RNF144B: variants seen among roughly 807,000 people sequenced by gnomAD.
RNF144B encodes the protein ring finger protein 144B.
In RNF144B, 25 loss-of-function variants were observed where a neutral mutation model predicts 40.2. That is an observed-to-expected ratio of 0.62 (90% CI 0.45 to 0.87). RNF144B has a LOEUF of 0.87. Among genes scored for constraint, RNF144B ranks in the 40% least tolerant of loss-of-function variants. RNF144B has a pLI of 0.00. For missense variants in RNF144B, 365 were observed against 373.7 expected, an observed-to-expected ratio of 0.98 and a Z score of 0.19; for synonymous variants, 145 against 136.3, an observed-to-expected ratio of 1.06 and a Z score of -0.44.
Position 18,441,565 on chromosome 6 carries a change from G to A in RNF144B, c.331+1821G>A, listed in dbSNP as rs911595133. Reference sequence around the variant, plus strand: ...TACATTTTAGGTAACATATCTGTTAGCTCAAATGTCTTTTTTGTAATTAGA... The same window carrying A: ...TACATTTTAGGTAACATATCTGTTAACTCAAATGTCTTTTTTGTAATTAGA... On this transcript the variant is annotated intron_variant, in intron 4 of 7. Coordinates refer to ENST00000259939, the MANE Select transcript of RNF144B (RefSeq NM_182757.4). The surrounding 1 kb of genome is among the most constrained non-coding windows in gnomAD (Gnocchi z 4.9). 6.7e-6 allele frequency among the ~76,000 whole-genome samples: 1 copy of A among 149,698 alleles called. No individual in the cohort carries two copies. The highest frequency in any genetic ancestry group is 2.4e-5 in the African/African-American group (1 of 41,192).
chr6:18,466,470 C>G lies in RNF144B; in HGVS notation c.*1403C>G, dbSNP rs924492478. On this transcript the variant is annotated 3_prime_UTR_variant, in exon 8 of 8. Transcript: ENST00000259939. Reference sequence around the variant, plus strand: ...AATTTAGTTTAAATTTATGTATCACCTCATTGTGACTTATTTTTTCCATTA... The same window carrying G: ...AATTTAGTTTAAATTTATGTATCACGTCATTGTGACTTATTTTTTCCATTA... The G allele has an allele frequency of 1.3e-5, 2 of 152,350 alleles. No individual in the cohort carries two copies. Among genetic ancestry groups the G allele is most frequent in the Admixed American group, 1.3e-4 (2 of 15,268 alleles). The allele number at this position is 152,350 out of a possible 1,614,324, so 9.4% of individuals were successfully genotyped here. A position where few individuals can be genotyped will look rare whatever the true frequency, so the allele number is the denominator to read the frequency against.
chr6:18,436,905 G>GT (rs5874640), intron 3 of RNF144B, among the ~76,000 whole-genome samples: 51 of 150,652 alleles, frequency 3.4e-4, no homozygotes, highest in Admixed American at 1.5e-3. Flanking sequence ...TTGTTGTTGT[G>GT]TTTTTTTTTT....
At chr6:18,436,009 A>G (rs1298121255) in intron 3 of RNF144B, among the ~76,000 whole-genome samples, 5 of 151,910 alleles carry the variant, frequency 3.3e-5, no homozygotes, top group Admixed American at 3.3e-4. Context: ...GTACCCTAAA[A>G]CTTAAAGTAT....
At chr6:18,407,805 A>T (rs1449049231) in intron 2 of RNF144B, among the ~76,000 whole-genome samples, 1 of 151,984 alleles carries the variant, frequency 6.6e-6, no homozygotes, top group Non-Finnish European at 1.5e-5. Context: ...AAATTCTCCT[A>T]TAGTGCTCAG....
chr6:18,459,284 T>C lies in RNF144B; in HGVS notation c.537-323T>C, dbSNP rs1759400943. On this transcript the variant is annotated intron_variant, in intron 5 of 7. Coordinates refer to ENST00000259939, the MANE Select transcript of RNF144B (RefSeq NM_182757.4). The surrounding 1 kb of genome is among the most constrained non-coding windows in gnomAD (Gnocchi z 4.2). Reference sequence around the variant, plus strand: ...TATACGCCCAGTTTGGACCCTGACCTAGTTTCTCTGCTGTGTAGCCAACTC... The same window carrying C: ...TATACGCCCAGTTTGGACCCTGACCCAGTTTCTCTGCTGTGTAGCCAACTC... Among the ~76,000 whole-genome samples, 1 of 152,230 alleles carries C rather than the reference T, an allele frequency of 6.6e-6. No homozygotes were observed. Among genetic ancestry groups the C allele is most frequent in the African/African-American group, 2.4e-5 (1 of 41,460 alleles).
At chr6:18,426,442 T>C (rs1368729622) in intron 2 of RNF144B, among the ~76,000 whole-genome samples, 1 of 152,224 alleles carries the variant, frequency 6.6e-6, no homozygotes, top group Non-Finnish European at 1.5e-5. Flanking sequence ...CTTCAATTTC[T>C]TGTGCAGTTG....
At chr6:18,453,495 C>A (rs938559350) in intron 4 of RNF144B, among the ~76,000 whole-genome samples, 1 of 151,862 alleles carries the variant, frequency 6.6e-6, no homozygotes, top group Non-Finnish European at 1.5e-5. Context: ...GAGGTCTTTC[C>A]AAATTGTTAT....
rs932019983 is a variant in RNF144B at position 18,410,586 on chromosome 6, C to A, written c.165+10887C>A. 2.0e-5 allele frequency among the ~76,000 whole-genome samples: 3 copies of A among 152,070 alleles called. No individual in the cohort carries two copies. Among genetic ancestry groups the A allele is most frequent in the African/African-American group, 4.8e-5 (2 of 41,390 alleles). On this transcript the variant is annotated intron_variant, in intron 2 of 7. Coordinates refer to ENST00000259939, the MANE Select transcript of RNF144B (RefSeq NM_182757.4). This position sits in a 1 kb window ranked among gnomAD's most constrained non-coding sequence, Gnocchi z 4.6. ...CAGGGAAGAGTGACCTGCTGAGGAA[C>A]CAAACCGGAAGATGTTCCTGGGACA...
chr6:18,453,055 G>A (rs553073966), intron 4 of RNF144B, among the ~76,000 whole-genome samples: 92 of 151,902 alleles, frequency 6.1e-4, no homozygotes, highest in Non-Finnish European at 1.0e-3. Context: ...TCAGAGTGCT[G>A]GGATTACAGG....
In RNF144B at chr6:18,400,304, G is replaced by A. The variant is rs1794780586; in HGVS notation, c.165+605G>A. Among the ~76,000 whole-genome samples, 1 of 151,840 alleles carries A rather than the reference G, an allele frequency of 6.6e-6. No individual in the cohort carries two copies. The highest frequency in any genetic ancestry group is 2.4e-5 in the African/African-American group (1 of 41,336). ...AAAAAAAAAAATTTAACATGCTGTA[G>A]TTAACTACCACCTATAAGAAACTCA... On this transcript the variant is annotated intron_variant, in intron 2 of 7. Coordinates refer to ENST00000259939, the MANE Select transcript of RNF144B (RefSeq NM_182757.4). This position sits in a 1 kb window ranked among gnomAD's most constrained non-coding sequence, Gnocchi z 5.6.
rs1759083361 is a variant in RNF144B at position 18,446,414 on chromosome 6, A to G, written c.331+6670A>G. ...TTCAGTGGAATCTGGCCAGATTTCT[A>G]TGTCTGGATCCCTGTTTCTCCGGGG... On this transcript the variant is annotated intron_variant, in intron 4 of 7. Coordinates refer to ENST00000259939, the MANE Select transcript of RNF144B (RefSeq NM_182757.4). The surrounding 1 kb of genome is among the most constrained non-coding windows in gnomAD (Gnocchi z 4.7). Among the ~76,000 whole-genome samples the G allele has an allele frequency of 1.3e-5, 2 of 152,180 alleles. No individual in the cohort carries two copies. The highest frequency in any genetic ancestry group is 3.4e-3 in the Middle Eastern group (1 of 294).
At chr6:18,403,032 G>C (rs550590426) in intron 2 of RNF144B, among the ~76,000 whole-genome samples, 1 of 152,268 alleles carries the variant, frequency 6.6e-6, no homozygotes, top group African/African-American at 2.4e-5. Context: ...ATAATTACTT[G>C]TTCTATTTTG....
chr6:18,396,836 T>G (rs1794702436), intron 1 of RNF144B: 1 of 984,468 alleles, frequency 1.0e-6, no homozygotes, highest in Admixed American at 6.2e-5. Context: ...AAGTCATTCA[T>G]TTTTACCCGT....
In RNF144B at chr6:18,410,413, C is replaced by T. The variant is rs755353737; in HGVS notation, c.165+10714C>T. ...ATATGTTATAAAGCATACAGAAACCCACCTAAAATAGACTCAGGGAGGTAG... is the reference window on the plus strand; with the variant it reads ...ATATGTTATAAAGCATACAGAAACCTACCTAAAATAGACTCAGGGAGGTAG... On this transcript the variant is annotated intron_variant, in intron 2 of 7. Coordinates refer to ENST00000259939, the MANE Select transcript of RNF144B (RefSeq NM_182757.4). The surrounding 1 kb of genome is among the most constrained non-coding windows in gnomAD (Gnocchi z 4.6). 3.3e-5 allele frequency among the ~76,000 whole-genome samples: 5 copies of T among 152,108 alleles called. No homozygotes were observed. Among genetic ancestry groups the T allele is most frequent in the Admixed American group, 6.6e-5 (1 of 15,254 alleles).
chr6:18,387,653 A>T (rs947280792), intron 1 of RNF144B, 23 bp downstream of exon 1: 14 of 1,291,262 alleles, frequency 1.1e-5, no homozygotes, highest in Middle Eastern at 4.2e-4. Context: ...AGCTTTTTAA[A>T]GGCTACAGGC....
chr6:18,404,328 C>T (rs1218109736), intron 2 of RNF144B, among the ~76,000 whole-genome samples: 1 of 152,166 alleles, frequency 6.6e-6, no homozygotes, highest in African/African-American at 2.4e-5. Flanking sequence ...GACTCAGGCT[C>T]AAGTTCAGGC....
chr6:18,464,902 A>G lies in RNF144B; in HGVS notation c.772-25A>G, dbSNP rs1181110076. 3.7e-6 allele frequency: 6 copies of G among 1,612,758 alleles called. No individual in the cohort carries two copies. In the African/African-American group the frequency reaches 5.3e-5, roughly 14 times the overall value. ...CATATTGAAAGACTTAATTGCTGAA[A>G]TATGCTTTTCTTTGAAATTTCCAGG... On this transcript the variant is annotated intron_variant, in intron 7 of 7. Transcript: ENST00000259939. This position sits in a 1 kb window ranked among gnomAD's most constrained non-coding sequence, Gnocchi z 6.1.
chr6:18,388,159 T>C (rs1794504593), intron 1 of RNF144B, among the ~76,000 whole-genome samples: 1 of 152,212 alleles, frequency 6.6e-6, no homozygotes, highest in African/African-American at 2.4e-5. Context: ...CTACTCCTCA[T>C]GCATATACAC....
rs1254824669 is a variant in RNF144B, at chr6:18,422,731, G to A, written c.166-4850G>A. 6.6e-6 allele frequency among the ~76,000 whole-genome samples: 1 copy of A among 152,128 alleles called. No individual in the cohort carries two copies. The highest frequency in any genetic ancestry group is 1.5e-5 in the Non-Finnish European group (1 of 68,014). The stretch of plus-strand genomic sequence containing the variant: ...AATCCCAGCACTTTGGGAAGCTGAG[G>A]CGACAGGATTCTTTGAGCCCAGGAG... On this transcript the variant is annotated intron_variant, in intron 2 of 7. Transcript: ENST00000259939. The surrounding 1 kb of genome is among the most constrained non-coding windows in gnomAD (Gnocchi z 4.7).
Sources: allele counts gnomAD v4.1 joint callset (sites outside exome capture counted in the v4.1 genomes callset), GRCh38; gene constraint gnomAD v4.1.1; non-coding constraint Gnocchi (gnomAD v3.1); transcripts MANE v1.5; gene names NCBI Gene and HGNC (gene_info 2026-07-23, HGNC 2026-07-21).